Variants in H1-3 observed in about 807,000 individuals in gnomAD.
H1-3 encodes the protein histone H1.3.
A neutral mutation model predicts 3.6 loss-of-function variants in H1-3; 4 were observed. That is an observed-to-expected ratio of 1.12 (90% CI 0.55 to 2.57). The LOEUF is 2.57. Among genes scored for constraint, H1-3 ranks in the 30% most tolerant of loss-of-function variants. The pLI, the probability that H1-3 is intolerant of heterozygous loss-of-function variation, is 0.02. For synonymous variants in H1-3, 266 were observed against 110.0 expected (o/e 2.42, Z -8.87); for missense variants, 670 against 274.3 (o/e 2.44, Z -10.19).
rs1277248176 is a variant in H1-3, at chr6:26,234,422, A to G, written c.512T>C (p.Val171Ala). 1.9e-6 allele frequency: 3 copies of G among 1,613,964 alleles called. No homozygotes were observed. Among genetic ancestry groups the G allele is most frequent in the Non-Finnish European group, 2.5e-6 (3 of 1,180,022 alleles). ...KPATAAGTKK[V>A]AKSAKKVKTP... ...TTTCACCTTTTTCGCACTCTTGGCC[A>G]CTTTCTTGGTCCCAGCAGCGGTTGC... Residue 171 changes from valine to alanine, a missense_variant, in exon 1 of 1, where the codon GTG becomes GCG. Transcript: ENST00000244534.
rs147516990 is a variant in H1-3, at chr6:26,234,859, C to T, written c.75G>A (p.Lys25=). 462 of 1,614,092 alleles carry T rather than the reference C, an allele frequency of 2.9e-4. 2 individuals carry two copies. The African/African-American group carries it at 5.4e-3, about 19-fold the overall frequency. ...AEKTPVKKKA[K]KAGATAGKRK... is the part of the protein sequence containing the mutation. ...GTTTCCCAGCAGTTGCGCCTGCCTT[C>T]TTCGCCTTTTTCTTCACAGGTGTTT... Residue 25 remains lysine, a synonymous_variant, in exon 1 of 1, where the codon AAG becomes AAA. Transcript: ENST00000244534.
chr6:26,234,833 C>G lies in H1-3; in HGVS notation c.101G>C (p.Arg34Pro). 2 of 1,614,202 alleles carry G rather than the reference C, an allele frequency of 1.2e-6. No homozygotes were observed. Among genetic ancestry groups the G allele is most frequent in the Non-Finnish European group, 1.7e-6 (2 of 1,180,032 alleles). The change falls in exon 1 of 1, where the codon CGC becomes CCC. Residue 34 changes from arginine to proline, a missense_variant. Arg to Pro is a moderately radical substitution (Grantham distance 103). Transcript: ENST00000244534. Reference protein sequence around the residue: ...AKKAGATAGKRKASGPPVSEL... With the variant: ...AKKAGATAGKPKASGPPVSEL... ...AGATACTGGGGGTCCGGATGCTTTG[C>G]GTTTCCCAGCAGTTGCGCCTGCCTT...
chr6:26,234,404 T>A lies in H1-3; in HGVS notation c.530A>T (p.Lys177Met). 1 of 1,614,152 alleles carries A rather than the reference T, an allele frequency of 6.2e-7. No individual in the cohort carries two copies. The highest frequency in any genetic ancestry group is 8.5e-7 in the Non-Finnish European group (1 of 1,180,022). ...TTTTTTTGGCTGAGGTGTTTTCACC[T>A]TTTTCGCACTCTTGGCCACTTTCTT... ...GTKKVAKSAKKVKTPQPKKAA... is the reference protein window; with the variant it reads ...GTKKVAKSAKMVKTPQPKKAA... The change falls in exon 1 of 1, where the codon AAG (lysine) becomes ATG (methionine). Residue 177 changes from lysine (K) to methionine (M), a missense_variant. Coordinates refer to ENST00000244534, the MANE Select transcript of H1-3 (RefSeq NM_005320.3).
rs1759721325 is a variant in H1-3 at position 26,234,274 on chromosome 6, T to C, written c.660A>G (p.Lys220=). 2 of 1,586,690 alleles carry C rather than the reference T, an allele frequency of 1.3e-6. No homozygotes were observed. The highest frequency in any genetic ancestry group is 1.2e-5 in the South Asian group (1 of 86,528). Residue 220 remains lysine (K), a synonymous_variant, in exon 1 of 1, where the codon AAA becomes AAG. Coordinates refer to ENST00000244534, the MANE Select transcript of H1-3 (RefSeq NM_005320.3). ...GGGGAACGTCCCGCCAGTTTCACTT[T>C]TTCTTCGGAGCTGCCTTCTTTGCCT... ...VTKAKKAAPK[K]K is the part of the protein sequence containing the mutation.
Position 26,234,774 on chromosome 6 carries a change from C to T in H1-3, c.160G>A (p.Glu54Lys), listed in dbSNP as rs757259808. Residue 54 changes from glutamate (E) to lysine (K), a missense_variant, in exon 1 of 1, where the codon GAG (glutamate) becomes AAG (lysine). Physicochemically the swap from Glu to Lys is moderately conservative, Grantham distance 56 (BLOSUM62 1). Coordinates refer to ENST00000244534, the MANE Select transcript of H1-3 (RefSeq NM_005320.3). Reference protein sequence around the residue: ...LITKAVAASKERSGVSLAALK... With the variant: ...LITKAVAASKKRSGVSLAALK... ...GCGGCCAGAGAAACGCCGCTGCGCT[C>T]CTTAGAAGCTGCCACTGCCTTGGTG... 1.1e-5 allele frequency: 17 copies of T among 1,614,136 alleles called. No homozygotes were observed. The highest frequency in any genetic ancestry group is 6.6e-5 in the South Asian group (6 of 91,090).
rs1759723183 is a variant in H1-3 at position 26,234,305 on chromosome 6, A to G, written c.629T>C (p.Val210Ala). The G allele has an allele frequency of 1.2e-6, 2 of 1,608,140 alleles. No individual in the cohort carries two copies. The highest frequency in any genetic ancestry group is 2.2e-5 in the East Asian group (1 of 44,852). ...CGGAGCTGCCTTCTTTGCCTTTGTA[A>G]CCTTCGGCTTCCCCGACTTAGGCTT... Reference protein sequence around the residue: ...AAKPKSGKPKVTKAKKAAPKK... With the variant: ...AAKPKSGKPKATKAKKAAPKK... Residue 210 changes from valine (V) to alanine (A), a missense_variant, in exon 1 of 1, where the codon GTT (valine) becomes GCT (alanine). Transcript: ENST00000244534.
In H1-3 at chr6:26,234,739, T is replaced by C. The variant is rs1759749886; in HGVS notation, c.195A>G (p.Lys65=). The C allele has an allele frequency of 1.2e-6, 2 of 1,613,942 alleles. No individual in the cohort carries two copies. Among genetic ancestry groups the C allele is most frequent in the South Asian group, 1.1e-5 (1 of 91,072 alleles). ...CATCGTAGCCAGCAGCCGCAAGCGC[T>C]TTCTTAAGCGCGGCCAGAGAAACGC... is the stretch of plus-strand genomic sequence containing the variant. ...RSGVSLAALK[K]ALAAAGYDVE... The change falls in exon 1 of 1, where the codon AAA becomes AAG. Residue 65 remains lysine, a synonymous_variant. Transcript: ENST00000244534.
chr6:26,234,385 T>A lies in H1-3; in HGVS notation c.549A>T (p.Pro183=), dbSNP rs757574713. ...KSAKKVKTPQ[P]KKAAKSPAKA... ...TAGCTGGACTCTTGGCAGCTTTTTTTGGCTGAGGTGTTTTCACCTTTTTCG... is the reference window on the plus strand; with the variant it reads ...TAGCTGGACTCTTGGCAGCTTTTTTAGGCTGAGGTGTTTTCACCTTTTTCG... The change falls in exon 1 of 1, where the codon CCA becomes CCT. Residue 183 remains proline, a synonymous_variant. Coordinates refer to ENST00000244534, the MANE Select transcript of H1-3 (RefSeq NM_005320.3). The A allele has an allele frequency of 6.2e-7, 1 of 1,614,252 alleles. No homozygotes were observed. The highest frequency in any genetic ancestry group is 1.1e-5 in the South Asian group (1 of 91,092).
rs779646561 is a variant in H1-3, at chr6:26,234,695, C to G, written c.239G>C (p.Arg80Pro). 4 of 1,613,946 alleles carry G rather than the reference C, an allele frequency of 2.5e-6. No homozygotes were observed. Among genetic ancestry groups the G allele is most frequent in the Non-Finnish European group, 1.7e-6 (2 of 1,179,978 alleles). The change falls in exon 1 of 1, where the codon CGT becomes CCT. Residue 80 changes from arginine (R) to proline (P), a missense_variant. Transcript: ENST00000244534. Reference protein sequence around the residue: ...AGYDVEKNNSRIKLGLKSLVS... With the variant: ...AGYDVEKNNSPIKLGLKSLVS... Reference sequence around the variant, plus strand: ...CAAGCTCTTGAGGCCAAGCTTGATACGGCTGTTGTTTTTTTCTACATCGTA... The same window carrying G: ...CAAGCTCTTGAGGCCAAGCTTGATAGGGCTGTTGTTTTTTTCTACATCGTA...
At position 26,234,213 on chromosome 6, in the gene H1-3, G is replaced by T; in HGVS notation, c.*55C>A. The T allele has an allele frequency of 1.3e-6, 2 of 1,505,240 alleles. No homozygotes were observed. The highest frequency in any genetic ancestry group is 1.8e-6 in the Non-Finnish European group (2 of 1,117,524). The allele number at this position is 1,505,240 out of a possible 1,614,324, so 93.2% of individuals were successfully genotyped here. The stretch of plus-strand genomic sequence containing the variant: ...TTCAGCTCTTTTGACTGAGACCTGT[G>T]GGTGGCTCTGAAAAGAGCCGTTTAA... On this transcript the variant is annotated 3_prime_UTR_variant, in exon 1 of 1. Transcript: ENST00000244534.
rs377468893 is a variant in H1-3 at position 26,234,944 on chromosome 6, TC to T, written c.-12del. 6.1e-5 allele frequency: 97 copies of T among 1,587,480 alleles called. No homozygotes were observed. The East Asian group carries it at 8.5e-4, about 14-fold the overall frequency. The stretch of plus-strand genomic sequence containing the variant: ...AGCAGTCTCCGACATGTTTTTGTCT[TC>T]CCAGAAAAGACAATAAGTAATCTCA... On this transcript the variant is annotated 5_prime_UTR_variant, in exon 1 of 1. Transcript: ENST00000244534.
In H1-3 at chr6:26,234,735, G is replaced by A; in HGVS notation, c.199C>T (p.Leu67Phe). 4 of 1,613,784 alleles carry A rather than the reference G, an allele frequency of 2.5e-6. No homozygotes were observed. Among genetic ancestry groups the A allele is most frequent in the South Asian group, 1.1e-5 (1 of 91,038 alleles). Residue 67 changes from leucine to phenylalanine, a missense_variant, in exon 1 of 1, where the codon CTT (leucine) becomes TTT (phenylalanine). Transcript: ENST00000244534. ...GVSLAALKKALAAAGYDVEKN... is the reference protein window; with the variant it reads ...GVSLAALKKAFAAAGYDVEKN... ...TCTACATCGTAGCCAGCAGCCGCAA[G>A]CGCTTTCTTAAGCGCGGCCAGAGAA... is the stretch of plus-strand genomic sequence containing the variant.
In H1-3 at chr6:26,234,540, G is replaced by C. The variant is rs747123489; in HGVS notation, c.394C>G (p.Pro132Ala). Residue 132 changes from proline to alanine, a missense_variant, in exon 1 of 1, where the codon CCT becomes GCT. By Grantham distance (27) the Pro-to-Ala change is conservative. Coordinates refer to ENST00000244534, the MANE Select transcript of H1-3 (RefSeq NM_005320.3). ...KKAGAAKPRK[P>A]AGAAKKPKKV... ...TTGGGCTTCTTGGCTGCCCCAGCAG[G>C]CTTCCTAGGCTTGGCTGCGCCAGCC... 2.5e-6 allele frequency: 4 copies of C among 1,612,222 alleles called. No individual in the cohort carries two copies. The highest frequency in any genetic ancestry group is 2.2e-5 in the South Asian group (2 of 90,956).
rs1309976837 is a variant in H1-3 at position 26,234,419 on chromosome 6, G to A, written c.515C>T (p.Ala172Val). ...TGTTTTCACCTTTTTCGCACTCTTG[G>A]CCACTTTCTTGGTCCCAGCAGCGGT... ...PATAAGTKKV[A>V]KSAKKVKTPQ... Residue 172 changes from alanine to valine, a missense_variant, in exon 1 of 1, where the codon GCC becomes GTC. Ala to Val is a moderately conservative substitution (Grantham distance 64). Transcript: ENST00000244534. 1 of 1,614,156 alleles carries A rather than the reference G, an allele frequency of 6.2e-7. No individual in the cohort carries two copies. Among genetic ancestry groups the A allele is most frequent in the Non-Finnish European group, 8.5e-7 (1 of 1,180,026 alleles).
rs777366854 is a variant in H1-3, at chr6:26,234,240, A to T, written c.*28T>A. 6.4e-7 allele frequency: 1 copy of T among 1,570,296 alleles called. No homozygotes were observed. Among genetic ancestry groups the T allele is most frequent in the Non-Finnish European group, 8.6e-7 (1 of 1,165,242 alleles). The stretch of plus-strand genomic sequence containing the variant: ...GTGGCTCTGAAAAGAGCCGTTTAAA[A>T]TTTTCAAAGGGGAACGTCCCGCCAG... On this transcript the variant is annotated 3_prime_UTR_variant, in exon 1 of 1. Coordinates refer to ENST00000244534, the MANE Select transcript of H1-3 (RefSeq NM_005320.3).
Position 26,234,388 on chromosome 6 carries a change from C to G in H1-3, c.546G>C (p.Gln182His). The G allele has an allele frequency of 6.2e-7, 1 of 1,614,234 alleles. No homozygotes were observed. The highest frequency in any genetic ancestry group is 1.3e-5 in the African/African-American group (1 of 75,072). ...CTGGACTCTTGGCAGCTTTTTTTGG[C>G]TGAGGTGTTTTCACCTTTTTCGCAC... is the stretch of plus-strand genomic sequence containing the variant. Reference protein sequence around the residue: ...AKSAKKVKTPQPKKAAKSPAK... With the variant: ...AKSAKKVKTPHPKKAAKSPAK... Residue 182 changes from glutamine to histidine, a missense_variant, in exon 1 of 1, where the codon CAG (glutamine) becomes CAC (histidine). By Grantham distance (24) the Gln-to-His change is conservative. Transcript: ENST00000244534.
At position 26,234,309 on chromosome 6, in the gene H1-3, T is replaced by G; in HGVS notation, c.625A>C (p.Lys209Gln). 6 of 1,609,916 alleles carry G rather than the reference T, an allele frequency of 3.7e-6. No homozygotes were observed. Among genetic ancestry groups the G allele is most frequent in the Non-Finnish European group, 5.1e-6 (6 of 1,178,846 alleles). The change falls in exon 1 of 1, where the codon AAG (lysine) becomes CAG (glutamine). Residue 209 changes from lysine to glutamine, a missense_variant. Transcript: ENST00000244534. ...KAAKPKSGKP[K>Q]VTKAKKAAPK... is the part of the protein sequence containing the mutation. ...GCTGCCTTCTTTGCCTTTGTAACCT[T>G]CGGCTTCCCCGACTTAGGCTTGGCC...
rs771890248 is a variant in H1-3, at chr6:26,234,908, G to A, written c.26C>T (p.Pro9Leu). The change falls in exon 1 of 1, where the codon CCT (proline) becomes CTT (leucine). Residue 9 changes from proline (P) to leucine (L), a missense_variant. Physicochemically the swap from Pro to Leu is moderately conservative, Grantham distance 98. Transcript: ENST00000244534. ...TTTTTCTGCGGGTGCAGGAATGGTA[G>A]GAGCAAGTGGAGCAGTCTCCGACAT... MSETAPLA[P>L]TIPAPAEKTP... 12 of 1,608,018 alleles carry A rather than the reference G, an allele frequency of 7.5e-6. No individual in the cohort carries two copies. The highest frequency in any genetic ancestry group is 4.0e-5 in the African/African-American group (3 of 74,266).
In H1-3 at chr6:26,234,831, T is replaced by C; in HGVS notation, c.103A>G (p.Lys35Glu). 6.2e-7 allele frequency: 1 copy of C among 1,614,240 alleles called. No individual in the cohort carries two copies. The highest frequency in any genetic ancestry group is 8.5e-7 in the Non-Finnish European group (1 of 1,180,040). ...KKAGATAGKR[K>E]ASGPPVSELI... Reference sequence around the variant, plus strand: ...TCAGATACTGGGGGTCCGGATGCTTTGCGTTTCCCAGCAGTTGCGCCTGCC... The same window carrying C: ...TCAGATACTGGGGGTCCGGATGCTTCGCGTTTCCCAGCAGTTGCGCCTGCC... The change falls in exon 1 of 1, where the codon AAA becomes GAA. Residue 35 changes from lysine (K) to glutamate (E), a missense_variant. By Grantham distance (56) the Lys-to-Glu change is moderately conservative. Transcript: ENST00000244534.
Sources: allele counts gnomAD v4.1 joint callset, GRCh38; gene constraint gnomAD v4.1.1; transcripts MANE v1.5; gene names NCBI Gene and HGNC (gene_info 2026-07-23, HGNC 2026-07-21).